The following AGL variants were observed in gnomAD, a reference collection of about 807,000 sequenced individuals.
AGL encodes glycogen debranching enzyme.
A neutral mutation model predicts 199.3 loss-of-function variants in AGL; 128 were observed. The ratio of observed to expected loss-of-function variants is 0.64; its 90% CI spans 0.56 to 0.74. The LOEUF is 0.74. Ranked by LOEUF, AGL falls within the 30% of genes least tolerant of loss-of-function variation. The pLI, the probability that AGL is intolerant of heterozygous loss-of-function variation, is 0.00. For missense variants in AGL, 1,809 were observed against 1,820.8 expected (o/e 0.99, Z 0.12); for synonymous variants, 584 against 594.7 (o/e 0.98, Z 0.26).
At position 99,884,179 on chromosome 1, in the gene AGL, A is replaced by G. The variant is rs1652265430; in HGVS notation, c.2368A>G (p.Arg790Gly). 2 of 1,612,884 alleles carry G rather than the reference A, an allele frequency of 1.2e-6. No homozygotes were observed. Among genetic ancestry groups the G allele is most frequent in the African/African-American group, 2.7e-5 (2 of 75,022 alleles). The change falls in exon 18 of 34, where the codon AGG becomes GGG. Residue 790 changes from arginine (R) to glycine (G), a missense_variant. Arg to Gly is a moderately radical substitution (Grantham distance 125, BLOSUM62 -2). Transcript: ENST00000361915. Reference protein sequence around the residue: ...RTIERNTKPYRKDENSINGTP... With the variant: ...RTIERNTKPYGKDENSINGTP... Reference sequence around the variant, plus strand: ...TATTGAGAGAAACACGAAACCTTATAGGAAGGATGAGAATTCAATCAATGG... The same window carrying G: ...TATTGAGAGAAACACGAAACCTTATGGGAAGGATGAGAATTCAATCAATGG...
chr1:99,916,340 AAT>A, intron 31 of AGL, 68 bp from the exon 32 acceptor site: 5 of 1,235,522 alleles, frequency 4.0e-6, no homozygotes, highest in Non-Finnish European at 5.8e-6. Flanking sequence ...TTGTTATTGA[AAT>A]TTTTCTAATG....
In AGL at chr1:99,877,699, C is replaced by T. The variant is rs781451112; in HGVS notation, c.1482C>T (p.Arg494=). The T allele has an allele frequency of 5.6e-6, 9 of 1,613,970 alleles. No individual in the cohort carries two copies. The highest frequency in any genetic ancestry group is 1.1e-5 in the South Asian group (1 of 91,076). The change falls in exon 12 of 34, where the codon CGC becomes CGT. Residue 494 remains arginine (R), a synonymous_variant. Coordinates refer to ENST00000361915, the MANE Select transcript of AGL (RefSeq NM_000642.3). ...LICWGDSVKL[R]YGNKPEDCPY... is the part of the protein sequence containing the mutation. ...GCTGGGGAGACAGTGTTAAATTACG[C>T]TATGGGAATAAACCAGAGGACTGTC...
At chr1:99,871,527 A>G (rs1455321342) in intron 7 of AGL, among the ~76,000 whole-genome samples, 1 of 152,042 alleles carries the variant, frequency 6.6e-6, no homozygotes, top group Non-Finnish European at 1.5e-5. Context: ...ATATAGGACA[A>G]CCTAGCAGTG....
chr1:99,867,985 C>G (rs1650672272), intron 5 of AGL, among the ~76,000 whole-genome samples: 2 of 152,172 alleles, frequency 1.3e-5, no homozygotes, highest in Admixed American at 1.3e-4. Context: ...TGCCAAGACT[C>G]TTGCTGTTCT....
chr1:99,884,710 A>C lies in AGL; in HGVS notation c.2681+7A>C. 1 of 1,613,844 alleles carries C rather than the reference A, an allele frequency of 6.2e-7. No individual in the cohort carries two copies. The highest frequency in any genetic ancestry group is 1.1e-5 in the South Asian group (1 of 91,076). ...TAAAAATTCCTTTTGCTTCGTAAGT[A>C]TGCCTTGTTTGGTAGAGATTTGCCA... On this transcript the variant is annotated splice_region_variant and intron_variant, in intron 20 of 33. Transcript: ENST00000361915.
At position 99,877,770 on chromosome 1, in the gene AGL, C is replaced by G. The variant is rs1293030648; in HGVS notation, c.1553C>G (p.Thr518Ser). 2.5e-6 allele frequency: 4 copies of G among 1,613,944 alleles called. No individual in the cohort carries two copies. The Admixed American group carries it at 5.0e-5, about 20-fold the overall frequency. ...AAAAAATACACTGAAATAACTGCAA[C>G]TTATTTCCAGGGAGTACGTCTTGAT... ...HMKKYTEITA[T>S]YFQGVRLDNC... The change falls in exon 12 of 34, where the codon ACT becomes AGT. Residue 518 changes from threonine to serine, a missense_variant. Thr to Ser is a moderately conservative substitution (Grantham distance 58). Coordinates refer to ENST00000361915, the MANE Select transcript of AGL (RefSeq NM_000642.3).
At chr1:99,860,945 T>G (rs1649981335) in intron 2 of AGL, among the ~76,000 whole-genome samples, 2 of 152,246 alleles carry the variant, frequency 1.3e-5, no homozygotes, top group African/African-American at 4.8e-5. Context: ...CGGGTTCAGT[T>G]GCCTTCAGAA....
Position 99,900,835 on chromosome 1 carries a change from T to C in AGL, c.3562T>C (p.Ser1188Pro). The change falls in exon 26 of 34, where the codon TCT (serine) becomes CCT (proline). Residue 1188 changes from serine (S) to proline (P), a missense_variant. Physicochemically the swap from Ser to Pro is moderately conservative, Grantham distance 74. Coordinates refer to ENST00000361915, the MANE Select transcript of AGL (RefSeq NM_000642.3). ...TTCCAGAATGTATCCTACAGATGATTCTGCTCCTTTGCCTGCTGGCACACT... is the reference window on the plus strand; with the variant it reads ...TTCCAGAATGTATCCTACAGATGATCCTGCTCCTTTGCCTGCTGGCACACT... Reference protein sequence around the residue: ...PVSRMYPTDDSAPLPAGTLDQ... With the variant: ...PVSRMYPTDDPAPLPAGTLDQ... 1 of 1,613,506 alleles carries C rather than the reference T, an allele frequency of 6.2e-7. No individual in the cohort carries two copies. Among genetic ancestry groups the C allele is most frequent in the Admixed American group, 1.7e-5 (1 of 60,008 alleles).
intron 33 of AGL, among the ~76,000 whole-genome samples, chr1:99,919,848 T>C (rs1655396284): frequency 6.6e-6 from 1 of 152,180 alleles, no homozygotes; most frequent in Non-Finnish European, 1.5e-5. Flanking sequence ...CTGGCACCAC[T>C]TGGATTCTAA....
Position 99,913,585 on chromosome 1 carries a change from A to G in AGL, c.4008A>G (p.Glu1336=). ...ACAGAAAAATACAAGACAACTTTGA[A>G]AAGCTATTTCATGTTTCCGAAGACC... ...EWNRKIQDNF[E]KLFHVSEDPS... The change falls in exon 30 of 34, where the codon GAA becomes GAG. Residue 1336 remains glutamate, a synonymous_variant. Transcript: ENST00000361915. 1 of 1,614,086 alleles carries G rather than the reference A, an allele frequency of 6.2e-7. No homozygotes were observed. The highest frequency in any genetic ancestry group is 1.1e-5 in the South Asian group (1 of 91,082).
intron 30 of AGL, 122 bp from the exon 31 acceptor site, chr1:99,915,267 C>G: frequency 1.2e-6 from 1 of 826,932 alleles, no homozygotes; most frequent in Non-Finnish European, 2.1e-6. Context: ...CATCTACACT[C>G]AAATTCTGAC....
At chr1:99,907,453 C>G (rs916246957) in intron 27 of AGL, among the ~76,000 whole-genome samples, 1 of 152,012 alleles carries the variant, frequency 6.6e-6, no homozygotes, top group Non-Finnish European at 1.5e-5. Flanking sequence ...GCTTTCAATT[C>G]TTTTGGGTAT....
rs769201662 is a variant in AGL, at chr1:99,864,382, G to A, written c.461-4G>A. The A allele has an allele frequency of 1.2e-5, 19 of 1,611,388 alleles. No individual in the cohort carries two copies. Among genetic ancestry groups the A allele is most frequent in the Admixed American group, 1.7e-5 (1 of 59,974 alleles). Reference sequence around the variant, plus strand: ...CAGTGGTCTTTCCTTTATTTGCTTTGCAGGCTACAACATGATTCATTTTAC... The same window carrying A: ...CAGTGGTCTTTCCTTTATTTGCTTTACAGGCTACAACATGATTCATTTTAC... On this transcript the variant is annotated splice_region_variant and splice_polypyrimidine_tract_variant and intron_variant, in intron 4 of 33. Transcript: ENST00000361915.
At chr1:99,886,854 G>A (rs1208451210) in intron 20 of AGL, among the ~76,000 whole-genome samples, 1 of 152,196 alleles carries the variant, frequency 6.6e-6, no homozygotes, top group Non-Finnish European at 1.5e-5. Context: ...CAAAAAATCT[G>A]TGATGAAGCA....
Position 99,923,089 on chromosome 1 carries a change from A to G in AGL, c.*1438A>G, listed in dbSNP as rs1344982883. On this transcript the variant is annotated 3_prime_UTR_variant, in exon 34 of 34. Transcript: ENST00000361915. The stretch of plus-strand genomic sequence containing the variant: ...TCTTCAAAGCTGACCTTGCTTTAGA[A>G]ATAGTTTTAACTAGCTTAGTTTTCT... 1 of 152,126 alleles carries G rather than the reference A, an allele frequency of 6.6e-6. No homozygotes were observed. Among genetic ancestry groups the G allele is most frequent in the Non-Finnish European group, 1.5e-5 (1 of 67,982 alleles). 9.4% of individuals were successfully genotyped at this position (152,126 alleles called of 1,614,324 possible).
At chr1:99,888,186 T>A (rs74579499) in intron 21 of AGL, 78 bp downstream of exon 21, 1 of 1,578,980 alleles carries the variant, frequency 6.3e-7, no homozygotes, top group Non-Finnish European at 8.6e-7. Context: ...GACATAGATA[T>A]AGGCTCAGAG....
intron 27 of AGL, among the ~76,000 whole-genome samples, chr1:99,903,709 A>T (rs1042805167): frequency 9.8e-5 from 15 of 152,342 alleles, no homozygotes; most frequent in African/African-American, 2.6e-4. Context: ...AGGAATCGCC[A>T]CACTGACTTC....
chr1:99,857,977 T>TA (rs1482395815), intron 2 of AGL, among the ~76,000 whole-genome samples: 2 of 152,172 alleles, frequency 1.3e-5, no homozygotes, highest in African/African-American at 2.4e-5. Context: ...TCAGATAAGT[T>TA]ACAAACAAAA....
At chr1:99,870,699 T>G in intron 6 of AGL, 59 bp from the exon 7 acceptor site, 1 of 1,417,392 alleles carries the variant, frequency 7.1e-7, no homozygotes, top group Non-Finnish European at 9.9e-7. Flanking sequence ...AGTATTTGCT[T>G]AACTGATTTT....
Sources: gnomAD v4.1 joint callset for allele counts (sites outside exome capture counted in the v4.1 genomes callset) on GRCh38, gnomAD v4.1.1 for gene constraint, MANE v1.5 for transcripts, NCBI Gene and HGNC (gene_info 2026-07-23, HGNC 2026-07-21) for gene names.